Variants in CDH12 observed in about 807,000 individuals in gnomAD.
The protein encoded by CDH12 is cadherin 12.
A neutral mutation model predicts 74.1 loss-of-function variants in CDH12; 41 were observed. The ratio of observed to expected loss-of-function variants is 0.55; its 90% CI spans 0.43 to 0.72. CDH12 has a LOEUF of 0.72. Among genes scored for constraint, CDH12 ranks in the 30% least tolerant of loss-of-function variants. The pLI is 0.00. For missense variants in CDH12, 945 were observed against 977.2 expected (o/e 0.97, Z 0.44); for synonymous variants, 399 against 355.0 (o/e 1.12, Z -1.39).
At chr5:22,588,253 A>G (rs1230902851) in intron 1 of CDH12, among the ~76,000 whole-genome samples, 2 of 152,120 alleles carry the variant, frequency 1.3e-5, no homozygotes, top group Admixed American at 6.6e-5. Flanking sequence ...TTAAAAATTA[A>G]CAAATCTAAA....
chr5:22,232,155 T>C (rs1033200089), intron 3 of CDH12, among the ~76,000 whole-genome samples: 33 of 151,812 alleles, frequency 2.2e-4, no homozygotes, highest in African/African-American at 7.2e-4. Flanking sequence ...TACTATTTTA[T>C]TTTCTATTTG....
chr5:22,112,377 C>A (rs370734849), intron 4 of CDH12, among the ~76,000 whole-genome samples: 3 of 152,100 alleles, frequency 2.0e-5, no homozygotes, highest in Non-Finnish European at 4.4e-5. Context: ...CATACGCACA[C>A]ACATTTCTCT....
intron 11 of CDH12, among the ~76,000 whole-genome samples, chr5:21,774,174 C>T (rs1025968841): frequency 3.3e-5 from 5 of 152,098 alleles, no homozygotes; most frequent in Admixed American, 6.6e-5. Context: ...CAGACTCACC[C>T]TCAGTCTGGG....
At chr5:22,153,929 A>ACAC (rs1747821247) in intron 4 of CDH12, among the ~76,000 whole-genome samples, 1 of 129,132 alleles carries the variant, frequency 7.7e-6, no homozygotes, top group Non-Finnish European at 1.7e-5. Flanking sequence ...CACACACACA[A>ACAC]ACATATATAT....
At chr5:22,660,001 G>T (rs1446344844) in intron 1 of CDH12, among the ~76,000 whole-genome samples, 1 of 151,878 alleles carries the variant, frequency 6.6e-6, no homozygotes, top group African/African-American at 2.4e-5. Context: ...TACTGGCTAG[G>T]ATCTAGTCCA....
At chr5:22,616,208 G>A (rs1561530495) in intron 1 of CDH12, among the ~76,000 whole-genome samples, 1 of 152,028 alleles carries the variant, frequency 6.6e-6, no homozygotes, top group Non-Finnish European at 1.5e-5. Flanking sequence ...GGAAAATAAA[G>A]GAGAGAGAGA....
At chr5:22,344,948 G>C (rs1740046004) in intron 3 of CDH12, among the ~76,000 whole-genome samples, 1 of 152,102 alleles carries the variant, frequency 6.6e-6, no homozygotes, top group Non-Finnish European at 1.5e-5. Context: ...ACTTAGAAAA[G>C]TTATTGAAAC....
At chr5:22,832,862 T>C (rs2126504167) in intron 1 of CDH12, among the ~76,000 whole-genome samples, 1 of 152,284 alleles carries the variant, frequency 6.6e-6, no homozygotes, top group Admixed American at 6.5e-5. Flanking sequence ...AATAATGTCC[T>C]TACTAAATCA....
At chr5:22,288,423 T>C (rs1411223002) in intron 3 of CDH12, among the ~76,000 whole-genome samples, 1 of 152,196 alleles carries the variant, frequency 6.6e-6, no homozygotes, top group Non-Finnish European at 1.5e-5. Flanking sequence ...ATTGTCATCA[T>C]ACCTTGTTTG....
At chr5:22,361,289 GACAA>G (rs553164661) in intron 3 of CDH12, among the ~76,000 whole-genome samples, 21 of 152,134 alleles carry the variant, frequency 1.4e-4, no homozygotes, top group East Asian at 1.2e-3. Context: ...ACTAATAACA[GACAA>G]ACAGAGAGCC....
rs1234821232 is a variant in CDH12 at position 22,078,795 on chromosome 5, A to G, written c.-119T>C. On this transcript the variant is annotated 5_prime_UTR_variant, in exon 5 of 15. Coordinates refer to ENST00000382254, the MANE Select transcript of CDH12 (RefSeq NM_004061.5). ...CTTAGCTTCTTGTTTTATTGCAGAAATGATGATGCAGGCATTAATCCTTTT... is the reference window on the plus strand; with the variant it reads ...CTTAGCTTCTTGTTTTATTGCAGAAGTGATGATGCAGGCATTAATCCTTTT... 1.4e-6 allele frequency: 2 copies of G among 1,466,846 alleles called. No individual in the cohort carries two copies. Among genetic ancestry groups the G allele is most frequent in the African/African-American group, 1.4e-5 (1 of 70,672 alleles). The allele number at this position is 1,466,846 out of a possible 1,614,324, so 90.9% of individuals were successfully genotyped here.
chr5:22,621,283 C>A (rs994716158), intron 1 of CDH12, among the ~76,000 whole-genome samples: 1 of 152,162 alleles, frequency 6.6e-6, no homozygotes, highest in Non-Finnish European at 1.5e-5. Context: ...GCTAATCAAT[C>A]ACACCTGTGA....
chr5:21,805,434 A>G (rs4574508), intron 9 of CDH12, among the ~76,000 whole-genome samples: 37,947 of 152,016 alleles, frequency 0.25, 5,431 homozygotes, highest in East Asian at 0.41. Context: ...GCAGGCAAAT[A>G]TCTGGTTGTT....
chr5:21,802,351 G>A lies in CDH12; in HGVS notation c.1072C>T (p.Arg358Trp), dbSNP rs781125887. The change falls in exon 10 of 15, where the codon CGG (arginine) becomes TGG (tryptophan). Residue 358 changes from arginine (R) to tryptophan (W), a missense_variant. By Grantham distance (101) the Arg-to-Trp change is moderately radical. This residue lies in a region of CDH12 where 791 missense variants were observed against 792.8 expected (regional missense o/e 1.00). Coordinates refer to ENST00000382254, the MANE Select transcript of CDH12 (RefSeq NM_004061.5). ...TTGAAAGGGCCCGCCGAGTGAAACC[G>A]GTGGTCAAGGTGAAGGTTGGAAGCC... ...VEASNLHLDH[R>W]FHSAGPFKDT... The A allele has an allele frequency of 3.1e-6, 5 of 1,613,774 alleles. No individual in the cohort carries two copies. The highest frequency in any genetic ancestry group is 2.7e-5 in the African/African-American group (2 of 74,964).
intron 4 of CDH12, among the ~76,000 whole-genome samples, chr5:22,095,829 C>T (rs986480073): frequency 1.3e-5 from 2 of 151,792 alleles, no homozygotes; most frequent in African/African-American, 2.4e-5. Context: ...TTCCATGCCC[C>T]AACCTCTTAT....
rs369725207 is a variant in CDH12 at position 22,153,872 on chromosome 5, G to GTATA, written c.-187+58622_-187+58625dup. ...TATGTGTGTGTGTATATATATATAT[G>GTATA]TATATATATATATATAAATATATAT... On this transcript the variant is annotated intron_variant, in intron 4 of 14. Coordinates refer to ENST00000382254, the MANE Select transcript of CDH12 (RefSeq NM_004061.5). 6.5e-3 allele frequency among the ~76,000 whole-genome samples: 804 copies of GTATA among 123,438 alleles called. 9 individuals are homozygous for GTATA. The highest frequency in any genetic ancestry group is 0.02 in the Middle Eastern group (5 of 256). The allele number at this position is 123,438 out of a possible 152,430, so 81.0% of individuals were successfully genotyped here.
chr5:22,140,203 A>G (rs1746706437), intron 4 of CDH12, among the ~76,000 whole-genome samples: 1 of 152,118 alleles, frequency 6.6e-6, no homozygotes, highest in Non-Finnish European at 1.5e-5. Context: ...ATTGTCACAT[A>G]TTACCTTTCT....
rs1258250006 is a variant in CDH12, at chr5:21,975,148, C to T, written c.469G>A (p.Glu157Lys). The stretch of plus-strand genomic sequence containing the variant: ...TAAGGTCCATCCAAAAACTTTGGCT[C>T]ATTATCATTAATATCCTGCACTTTG... ...IIKVQDINDNEPKFLDGPYVA... is the reference protein window; with the variant it reads ...IIKVQDINDNKPKFLDGPYVA... The change falls in exon 6 of 15, where the codon GAG (glutamate) becomes AAG (lysine). Residue 157 changes from glutamate to lysine, a missense_variant. Physicochemically the swap from Glu to Lys is moderately conservative, Grantham distance 56. Transcript: ENST00000382254. 12 of 1,597,132 alleles carry T rather than the reference C, an allele frequency of 7.5e-6. No homozygotes were observed. Among genetic ancestry groups the T allele is most frequent in the African/African-American group, 4.0e-5 (3 of 74,840 alleles).
intron 5 of CDH12, among the ~76,000 whole-genome samples, chr5:22,054,279 T>C (rs1002831223): frequency 1.3e-5 from 2 of 152,170 alleles, no homozygotes; most frequent in African/African-American, 2.4e-5. Context: ...ATAAAAGTTA[T>C]AGGTATTTTC....
Sources: gnomAD v4.1 joint callset for allele counts (sites outside exome capture counted in the v4.1 genomes callset) on GRCh38, gnomAD v4.1.1 for gene constraint, gnomAD v4.1.1 regional missense constraint, MANE v1.5 for transcripts, NCBI Gene and HGNC (gene_info 2026-07-23, HGNC 2026-07-21) for gene names.